PRKN: variants seen among roughly 807,000 people sequenced by gnomAD.
PRKN encodes E3 ubiquitin-protein ligase parkin.
Under a neutral mutation model 59.5 loss-of-function variants are expected in PRKN, and 56 were observed. That is an observed-to-expected ratio of 0.94 (90% confidence interval 0.76 to 1.18). The LOEUF (loss-of-function observed/expected upper bound fraction) is 1.18. Ranked by LOEUF, PRKN falls within the 50% of genes most tolerant of loss-of-function variation. PRKN has a pLI of 0.00. For missense variants in PRKN, 657 were observed against 596.4 expected, an observed-to-expected ratio of 1.10 and a Z score of -1.06; for synonymous variants, 250 against 222.1, an observed-to-expected ratio of 1.13 and a Z score of -1.12.
At chr6:162,208,072 A>C (rs1459685206) in intron 3 of PRKN, among the ~76,000 whole-genome samples, 1 of 152,254 alleles carries the variant, frequency 6.6e-6, no homozygotes, top group African/African-American at 2.4e-5. Context: ...AAAAATGTTT[A>C]TATAGGACTT....
intron 7 of PRKN, among the ~76,000 whole-genome samples, chr6:161,752,284 T>A (rs1788727977): frequency 6.6e-6 from 1 of 152,046 alleles, no homozygotes; most frequent in Non-Finnish European, 1.5e-5. Context: ...GCAGGAGAAT[T>A]GCTTGAACTC....
intron 6 of PRKN, among the ~76,000 whole-genome samples, chr6:161,787,744 A>T (rs1175510370): frequency 6.6e-6 from 1 of 151,862 alleles, no homozygotes; most frequent in Non-Finnish European, 1.5e-5. Context: ...CAGGAGATGG[A>T]GATCATCCTG....
chr6:161,551,901 A>G lies in PRKN; in HGVS notation c.934-2898T>C, dbSNP rs1266969009. Reference sequence around the variant, plus strand: ...TTGAGTAGGTTGGAGGGGAGGATCTAAAGGATGTGTGGAGGGTTGGCCTTC... The same window carrying G: ...TTGAGTAGGTTGGAGGGGAGGATCTGAAGGATGTGTGGAGGGTTGGCCTTC... On this transcript the variant is annotated intron_variant, in intron 8 of 11. Transcript: ENST00000366898. The surrounding 1 kb of genome is among the most constrained non-coding windows in gnomAD (Gnocchi z 5.2). 3.9e-5 allele frequency among the ~76,000 whole-genome samples: 6 copies of G among 152,176 alleles called. No homozygotes were observed. Among genetic ancestry groups the G allele is most frequent in the African/African-American group, 1.4e-4 (6 of 41,450 alleles).
rs529492291 is a variant in PRKN, at chr6:162,005,947, G to GTATA, written c.619-32534_619-32531dup. On this transcript the variant is annotated intron_variant, in intron 5 of 11. Transcript: ENST00000366898. ...TGTGAATTTAATATAAAAGGATAGTGTATATATATATATATCTACTCACAT... is the reference window on the plus strand; with the variant it reads ...TGTGAATTTAATATAAAAGGATAGTGTATATATATATATATATATCTACTCACAT... 2.5e-3 allele frequency among the ~76,000 whole-genome samples: 379 copies of GTATA among 150,166 alleles called. 5 individuals are homozygous for GTATA. Among genetic ancestry groups the GTATA allele is most frequent in the African/African-American group, 8.5e-3 (348 of 41,014 alleles).
intron 4 of PRKN, among the ~76,000 whole-genome samples, chr6:162,183,801 T>C (rs1430715119): frequency 2.0e-5 from 3 of 152,172 alleles, no homozygotes; most frequent in South Asian, 2.1e-4. Context: ...ATCCCTACCA[T>C]ACACCCCATT....
At chr6:162,156,680 G>C (rs1782529993) in intron 4 of PRKN, among the ~76,000 whole-genome samples, 1 of 152,086 alleles carries the variant, frequency 6.6e-6, no homozygotes, top group South Asian at 2.1e-4. Flanking sequence ...ACCTCTCCTA[G>C]TCCACTGACT....
At chr6:162,378,425 A>G (rs1786240778) in intron 2 of PRKN, among the ~76,000 whole-genome samples, 1 of 152,250 alleles carries the variant, frequency 6.6e-6, no homozygotes, top group South Asian at 2.1e-4. Context: ...ATGTGTTTTC[A>G]ATGAGGTGGG....
chr6:161,413,805 T>C lies in PRKN; in HGVS notation c.1084-26928A>G, dbSNP rs1787704112. 6.6e-6 allele frequency among the ~76,000 whole-genome samples: 1 copy of C among 152,110 alleles called. No individual in the cohort carries two copies. On this transcript the variant is annotated intron_variant, in intron 9 of 11. Coordinates refer to ENST00000366898, the MANE Select transcript of PRKN (RefSeq NM_004562.3). This position sits in a 1 kb window ranked among gnomAD's most constrained non-coding sequence, Gnocchi z 4.4. Reference sequence around the variant, plus strand: ...AGCTCTGAGGAAGCTCATTCAAAAATGCAATTTTTAATTAAAAGGGAAACT... The same window carrying C: ...AGCTCTGAGGAAGCTCATTCAAAAACGCAATTTTTAATTAAAAGGGAAACT...
rs368918067 is a variant in PRKN, at chr6:162,485,635, G to A, written c.8-42162C>T. Among the ~76,000 whole-genome samples the A allele has an allele frequency of 3.0e-4, 45 of 152,310 alleles. 1 individual carries two copies. The highest frequency in any genetic ancestry group is 1.0e-3 in the African/African-American group (42 of 41,576). On this transcript the variant is annotated intron_variant, in intron 1 of 11. Transcript: ENST00000366898. Reference sequence around the variant, plus strand: ...GTAGCAGGGTACTGGGATGCCACACGTGGTTTAACTCACCAAGGAGACAGC... The same window carrying A: ...GTAGCAGGGTACTGGGATGCCACACATGGTTTAACTCACCAAGGAGACAGC...
At chr6:162,651,591 T>A (rs1778434239) in intron 1 of PRKN, among the ~76,000 whole-genome samples, 1 of 152,160 alleles carries the variant, frequency 6.6e-6, no homozygotes, top group Admixed American at 6.6e-5. Flanking sequence ...ACCACAAATA[T>A]TAACTCCTGT....
chr6:162,554,672 A>G (rs1779483452), intron 1 of PRKN, among the ~76,000 whole-genome samples: 1 of 152,100 alleles, frequency 6.6e-6, no homozygotes, highest in Non-Finnish European at 1.5e-5. Context: ...CATGAAGATC[A>G]GGGGCTTTTA....
rs1472994631 is a variant in PRKN at position 161,487,680 on chromosome 6, G to GGTAGGGGT, written c.1083+61166_1083+61173dup. Among the ~76,000 whole-genome samples, 3 of 152,160 alleles carry GGTAGGGGT rather than the reference G, an allele frequency of 2.0e-5. No individual in the cohort carries two copies. The highest frequency in any genetic ancestry group is 4.4e-5 in the Non-Finnish European group (3 of 68,030). The stretch of plus-strand genomic sequence containing the variant: ...TGATAATATGTGTATTCATGTAGGA[G>GGTAGGGGT]GTAGGGGTTGTGCCTTCTTTTCCAT... On this transcript the variant is annotated intron_variant, in intron 9 of 11. Transcript: ENST00000366898. The surrounding 1 kb of genome is among the most constrained non-coding windows in gnomAD (Gnocchi z 5.3).
At chr6:161,824,879 A>G (rs887320869) in intron 6 of PRKN, among the ~76,000 whole-genome samples, 3 of 152,252 alleles carry the variant, frequency 2.0e-5, no homozygotes, top group Admixed American at 1.3e-4. Flanking sequence ...TATTGAAGAC[A>G]TATTCATTGA....
At chr6:162,292,993 A>C (rs572922274) in intron 2 of PRKN, among the ~76,000 whole-genome samples, 1 of 152,286 alleles carries the variant, frequency 6.6e-6, no homozygotes, top group African/African-American at 2.4e-5. Context: ...ATGAAGGGCA[A>C]GGAGGAGGTC....
intron 5 of PRKN, among the ~76,000 whole-genome samples, chr6:162,028,713 G>A (rs1336390593): frequency 2.0e-5 from 3 of 152,204 alleles, no homozygotes; most frequent in African/African-American, 7.2e-5. Flanking sequence ...GGCACCCACA[G>A]GCATTGGCTT....
intron 2 of PRKN, among the ~76,000 whole-genome samples, chr6:162,355,575 C>T (rs943007214): frequency 6.6e-6 from 1 of 151,902 alleles, no homozygotes; most frequent in Non-Finnish European, 1.5e-5. Flanking sequence ...AAACCATTTA[C>T]CTAACTGCAG....
chr6:162,123,505 G>A (rs1781004016), intron 4 of PRKN, among the ~76,000 whole-genome samples: 1 of 152,136 alleles, frequency 6.6e-6, no homozygotes, highest in Non-Finnish European at 1.5e-5. Flanking sequence ...TTATATGTTT[G>A]TAATTTTGTG....
chr6:161,913,706 G>A lies in PRKN; in HGVS notation c.734+59596C>T, dbSNP rs139816096. Reference sequence around the variant, plus strand: ...AACATGATATACTCAAGGATACAGCGATACATGAACTGTTATGGACTGAAT... The same window carrying A: ...AACATGATATACTCAAGGATACAGCAATACATGAACTGTTATGGACTGAAT... On this transcript the variant is annotated intron_variant, in intron 6 of 11. Transcript: ENST00000366898. 2.6e-3 allele frequency among the ~76,000 whole-genome samples: 393 copies of A among 152,228 alleles called. 1 individual carries two copies. Among genetic ancestry groups the A allele is most frequent in the African/African-American group, 8.7e-3 (360 of 41,530 alleles).
At chr6:162,391,148 C>T (rs1419609417) in intron 2 of PRKN, among the ~76,000 whole-genome samples, 2 of 152,150 alleles carry the variant, frequency 1.3e-5, no homozygotes, top group Non-Finnish European at 2.9e-5. Flanking sequence ...CGAAAATCTG[C>T]AATGACTTCC....
Sources: gnomAD v4.1 joint callset for allele counts (sites outside exome capture counted in the v4.1 genomes callset) on GRCh38, gnomAD v4.1.1 for gene constraint, Gnocchi (gnomAD v3.1) non-coding constraint, MANE v1.5 for transcripts, NCBI Gene and HGNC (gene_info 2026-07-23, HGNC 2026-07-21) for gene names.